Variants in SAMD5 observed in about 807,000 individuals in gnomAD.
The protein encoded by SAMD5 is sterile alpha motif domain-containing protein 5.
A neutral mutation model predicts 11.3 loss-of-function variants in SAMD5; 13 were observed. The ratio of observed to expected loss-of-function variants is 1.15; its 90% confidence interval spans 0.75 to 1.83. SAMD5 has a LOEUF of 1.83. SAMD5 is among the 40% of genes most tolerant of loss of function. The pLI is 0.00. For synonymous variants in SAMD5, 129 were observed against 111.3 expected (o/e 1.16, Z -1.00); for missense variants, 255 against 239.1 (o/e 1.07, Z -0.44).
chr6:147,734,292 T>G (rs1468092881), intron 1 of SAMD5, among the ~76,000 whole-genome samples: 1 of 152,196 alleles, frequency 6.6e-6, no homozygotes, highest in African/African-American at 2.4e-5. Context: ...TCCTGTAAAG[T>G]CTGTTGTTTT....
At chr6:147,849,567 A>G in the SAMD5 span, among the ~76,000 whole-genome samples, 19 of 152,334 alleles carry the variant, frequency 1.2e-4, no homozygotes, top group African/African-American at 4.1e-4. Context: ...ATGGACGCTC[A>G]GCATTATTTT....
chr6:147,922,179 G>A, the SAMD5 span, among the ~76,000 whole-genome samples: 4 of 151,992 alleles, frequency 2.6e-5, no homozygotes, highest in African/African-American at 7.3e-5. Context: ...CATGGCACTC[G>A]GGACACTGTG....
rs542989464 is a variant in SAMD5, at chr6:147,666,056, G to A, written c.163-71261G>A. ...AGGGTTCAGACGATTCTCCCGCCTCGGCCTCCCGAGTAGCTGGGACTACAG... is the reference window on the plus strand; with the variant it reads ...AGGGTTCAGACGATTCTCCCGCCTCAGCCTCCCGAGTAGCTGGGACTACAG... On this transcript the variant is annotated intron_variant, in intron 1 of 1. Coordinates refer to the SAMD5 transcript ENST00000566741. 3.7e-3 allele frequency among the ~76,000 whole-genome samples: 566 copies of A among 152,010 alleles called. 5 individuals carry two copies. Among genetic ancestry groups the A allele is most frequent in the Non-Finnish European group, 3.9e-3 (265 of 67,984 alleles).
At chr6:147,620,217 G>T (rs1387389327) in intron 1 of SAMD5, among the ~76,000 whole-genome samples, 1 of 152,020 alleles carries the variant, frequency 6.6e-6, no homozygotes, top group Non-Finnish European at 1.5e-5. Context: ...CGCCACTTCT[G>T]CAGCTCTGAG....
At chr6:147,917,451 A>G in the SAMD5 span, among the ~76,000 whole-genome samples, 1 of 151,702 alleles carries the variant, frequency 6.6e-6, no homozygotes, top group Non-Finnish European at 1.5e-5. Context: ...TAGATTCTGG[A>G]TATTAGCCCT....
chr6:147,664,442 TTCC>T (rs1790688567), intron 1 of SAMD5, among the ~76,000 whole-genome samples: 1 of 152,116 alleles, frequency 6.6e-6, no homozygotes, highest in Admixed American at 6.5e-5. Flanking sequence ...GCAGAGAGAT[TTCC>T]TCCATCAGAC....
chr6:147,676,617 C>T (rs553006336), intron 1 of SAMD5, among the ~76,000 whole-genome samples: 1 of 152,272 alleles, frequency 6.6e-6, no homozygotes, highest in South Asian at 2.1e-4. Flanking sequence ...TGGATCCCTA[C>T]ACCCTAGAAC....
At chr6:147,791,768 A>G in the SAMD5 span, among the ~76,000 whole-genome samples, 1 of 152,180 alleles carries the variant, frequency 6.6e-6, no homozygotes, top group Non-Finnish European at 1.5e-5. Context: ...TTTGGGATTA[A>G]GATTATGTCT....
chr6:147,771,885 A>G, the SAMD5 span, among the ~76,000 whole-genome samples: 1 of 152,200 alleles, frequency 6.6e-6, no homozygotes, highest in Non-Finnish European at 1.5e-5. Context: ...CAAACCCTCC[A>G]TTGCCGTGAC....
chr6:147,661,048 G>A (rs563248412), intron 1 of SAMD5, among the ~76,000 whole-genome samples: 5 of 152,232 alleles, frequency 3.3e-5, no homozygotes, highest in Middle Eastern at 6.8e-3. Flanking sequence ...GGGATCAGGA[G>A]TATATAAATC....
intron 1 of SAMD5, among the ~76,000 whole-genome samples, chr6:147,664,001 C>T (rs1790683425): frequency 1.3e-5 from 2 of 150,812 alleles, no homozygotes; most frequent in South Asian, 2.1e-4. Context: ...GGAGAACAAA[C>T]GTAAGCTTAG....
At chr6:147,710,501 C>T (rs1791383056) in intron 1 of SAMD5, among the ~76,000 whole-genome samples, 1 of 152,178 alleles carries the variant, frequency 6.6e-6, no homozygotes, top group Non-Finnish European at 1.5e-5. Context: ...CATGGCCACA[C>T]TGTAGACACT....
downstream of SAMD5, among the ~76,000 whole-genome samples, chr6:147,572,009 C>T (rs550369466): frequency 2.2e-4 from 34 of 151,584 alleles, no homozygotes; most frequent in African/African-American, 7.8e-4. Context: ...ATGACCTCCA[C>T]CAGGCCATCA....
chr6:147,878,603 A>C, the SAMD5 span, among the ~76,000 whole-genome samples: 574 of 146,628 alleles, frequency 3.9e-3, 6 homozygotes, highest in East Asian at 0.058. Flanking sequence ...ATACATATAT[A>C]TCTATATAGA....
chr6:147,876,544 T>A, the SAMD5 span, among the ~76,000 whole-genome samples: 1 of 152,188 alleles, frequency 6.6e-6, no homozygotes, highest in Non-Finnish European at 1.5e-5. Flanking sequence ...TTGACCCATC[T>A]CTAATTCTGT....
At chr6:147,623,016 A>T (rs1789995255) in intron 1 of SAMD5, among the ~76,000 whole-genome samples, 2 of 152,320 alleles carry the variant, frequency 1.3e-5, no homozygotes, top group Non-Finnish European at 2.9e-5. Context: ...ACCTCCCACC[A>T]GGTCCCTCCC....
At chr6:147,687,527 C>T (rs1791036011) in intron 1 of SAMD5, among the ~76,000 whole-genome samples, 1 of 152,068 alleles carries the variant, frequency 6.6e-6, no homozygotes, top group Admixed American at 6.6e-5. Flanking sequence ...CCACATTGGC[C>T]TCCCAAAGTG....
chr6:147,779,560 A>G, the SAMD5 span, among the ~76,000 whole-genome samples: 4 of 151,640 alleles, frequency 2.6e-5, no homozygotes, highest in African/African-American at 9.7e-5. Flanking sequence ...CAATGGCACA[A>G]TCTCGGCTCA....
chr6:147,862,213 T>C, the SAMD5 span, among the ~76,000 whole-genome samples: 39 of 152,188 alleles, frequency 2.6e-4, no homozygotes, highest in Non-Finnish European at 4.4e-4. Context: ...GGAAATCAGG[T>C]TGAGTGTTGC....
Sources: allele counts gnomAD v4.1 joint callset (sites outside exome capture counted in the v4.1 genomes callset), GRCh38; gene constraint gnomAD v4.1.1; transcripts MANE v1.5; gene names NCBI Gene and HGNC (gene_info 2026-07-23, HGNC 2026-07-21).